SKA3: variants seen among roughly 807,000 people sequenced by gnomAD.
The protein encoded by SKA3 is spindle and kinetochore-associated protein 3.
A neutral mutation model predicts 44.2 loss-of-function variants in SKA3; 39 were observed. That is an observed-to-expected ratio of 0.88 (90% CI 0.68 to 1.15). The LOEUF (loss-of-function observed/expected upper bound fraction) is 1.15, where lower values mean the gene tolerates loss of function less well. SKA3 is among the 50% of genes most tolerant of loss of function. The pLI is 0.00. For missense variants in SKA3, 511 were observed against 485.8 expected (o/e 1.05, Z -0.49); for synonymous variants, 192 against 172.0 (o/e 1.12, Z -0.91).
chr13:21,176,187 C>T (rs1364774430), intron 1 of SKA3, among the ~76,000 whole-genome samples, 188 bp downstream of exon 1: 1 of 152,194 alleles, frequency 6.6e-6, no homozygotes, highest in African/African-American at 2.4e-5. Context: ...AAACCATAAA[C>T]AGGCCCGGGA....
rs370084478 is a variant in SKA3, at chr13:21,176,403, C to T, written c.75G>A (p.Leu25=). ...ASTLDCETAR[L]QRALDGEESD... ...TTTCCTCTCCGTCCAGCGCTCGCTG[C>T]AGCCGGGCCGTCTCGCAGTCCAGCG... Residue 25 remains leucine, a synonymous_variant, in exon 1 of 9, where the codon CTG becomes CTA. Coordinates refer to ENST00000314759, the MANE Select transcript of SKA3 (RefSeq NM_145061.6). 154 of 1,580,590 alleles carry T rather than the reference C, an allele frequency of 9.7e-5. No homozygotes were observed. The highest frequency in any genetic ancestry group is 1.2e-4 in the Non-Finnish European group (141 of 1,164,102).
Position 21,161,772 on chromosome 13 carries a change from C to T in SKA3, c.829+18G>A. Reference sequence around the variant, plus strand: ...TGGGAAAAATGTTCCTGAGAAGTAACTTGATTCTTATACTTACCACTTTTT... The same window carrying T: ...TGGGAAAAATGTTCCTGAGAAGTAATTTGATTCTTATACTTACCACTTTTT... On this transcript the variant is annotated intron_variant, in intron 5 of 8. Transcript: ENST00000314759. 1.7e-6 allele frequency: 2 copies of T among 1,182,866 alleles called. No individual in the cohort carries two copies. The highest frequency in any genetic ancestry group is 2.3e-6 in the Non-Finnish European group (2 of 884,646). The allele number at this position is 1,182,866 out of a possible 1,614,324, so 73.3% of individuals were successfully genotyped here. A position where few individuals can be genotyped will look rare whatever the true frequency, so the allele number is the denominator to read the frequency against.
At position 21,172,356 on chromosome 13, in the gene SKA3, C is replaced by A; in HGVS notation, c.314G>T (p.Arg105Leu). 1 of 1,559,550 alleles carries A rather than the reference C, an allele frequency of 6.4e-7. No homozygotes were observed. Among genetic ancestry groups the A allele is most frequent in the South Asian group, 1.2e-5 (1 of 83,624 alleles). The change falls in exon 3 of 9, where the codon CGT (arginine) becomes CTT (leucine). Residue 105 changes from arginine to leucine, a missense_variant. Transcript: ENST00000314759. ...EYFQKYGYSP[R>L]VKKNSVHEQE... is the part of the protein sequence containing the mutation. ...ATTCAAACCTGAATTTTTCTTGACA[C>A]GTGGACTATATCCATACTTCTGGAA...
chr13:21,176,396 C>T lies in SKA3; in HGVS notation c.82G>A (p.Ala28Thr). The T allele has an allele frequency of 3.8e-6, 6 of 1,577,768 alleles. No homozygotes were observed. The highest frequency in any genetic ancestry group is 5.2e-6 in the Non-Finnish European group (6 of 1,162,548). ...GCACCGCTTTCCTCTCCGTCCAGCG[C>T]TCGCTGCAGCCGGGCCGTCTCGCAG... Reference protein sequence around the residue: ...LDCETARLQRALDGEESDFED... With the variant: ...LDCETARLQRTLDGEESDFED... Residue 28 changes from alanine (A) to threonine (T), a missense_variant, in exon 1 of 9, where the codon GCG (alanine) becomes ACG (threonine). Coordinates refer to ENST00000314759, the MANE Select transcript of SKA3 (RefSeq NM_145061.6).
chr13:21,164,942 A>G (rs1870626638), intron 4 of SKA3, among the ~76,000 whole-genome samples: 1 of 152,146 alleles, frequency 6.6e-6, no homozygotes. Context: ...AATCATGTCA[A>G]TTAATTTACA....
Position 21,155,759 on chromosome 13 carries a change from A to C in SKA3, c.1172T>G (p.Val391Gly), listed in dbSNP as rs1565990627. The C allele has an allele frequency of 1.9e-6, 3 of 1,612,368 alleles. No individual in the cohort carries two copies. The highest frequency in any genetic ancestry group is 2.5e-6 in the Non-Finnish European group (3 of 1,178,902). Residue 391 changes from valine (V) to glycine (G), a missense_variant, in exon 8 of 9, where the codon GTG becomes GGG. By Grantham distance (109) the Val-to-Gly change is moderately radical. Coordinates refer to ENST00000314759, the MANE Select transcript of SKA3 (RefSeq NM_145061.6). ...TTTAAGGAACCTTTTACTGGGTGGC[A>C]CTGCTTTAATTGCTATTGGAGTAGC... Reference protein sequence around the residue: ...NLATPIAIKAVPPSKRFLKHG... With the variant: ...NLATPIAIKAGPPSKRFLKHG...
At chr13:21,158,452 C>T (rs1870255831) in intron 6 of SKA3, among the ~76,000 whole-genome samples, 1 of 151,802 alleles carries the variant, frequency 6.6e-6, no homozygotes, top group African/African-American at 2.4e-5. Flanking sequence ...GAAACCCCAT[C>T]TCTACTAAAA....
At chr13:21,171,127 C>G (rs950045032) in intron 3 of SKA3, among the ~76,000 whole-genome samples, 1 of 152,036 alleles carries the variant, frequency 6.6e-6, no homozygotes, top group East Asian at 1.9e-4. Context: ...GAGACAGAGT[C>G]TCATTATGTA....
chr13:21,174,310 T>C (rs1283216534), intron 1 of SKA3, among the ~76,000 whole-genome samples: 1 of 152,164 alleles, frequency 6.6e-6, no homozygotes, highest in African/African-American at 2.4e-5. Context: ...TGCCGCACTA[T>C]TCACAATAGC....
intron 6 of SKA3, 64 bp downstream of exon 6, chr13:21,159,838 C>G: frequency 3.8e-6 from 4 of 1,064,578 alleles, no homozygotes; most frequent in Non-Finnish European, 3.8e-6. Context: ...TTTGAGCCTG[C>G]AAGCAGTAGT....
intron 3 of SKA3, 77 bp downstream of exon 3, chr13:21,172,262 A>G: frequency 5.1e-6 from 5 of 972,272 alleles, no homozygotes; most frequent in Non-Finnish European, 7.6e-6. Context: ...ACCATAGCCA[A>G]GGCTACAGTT....
chr13:21,168,423 C>A, intron 3 of SKA3, 24 bp from the exon 4 acceptor site: 1 of 1,531,984 alleles, frequency 6.5e-7, no homozygotes, highest in Middle Eastern at 1.8e-4. Context: ...TCAGAATATT[C>A]TGGTCAAACT....
At position 21,155,872 on chromosome 13, in the gene SKA3, G is replaced by C. The variant is rs1870093169; in HGVS notation, c.1120-61C>G. 4 of 846,344 alleles carry C rather than the reference G, an allele frequency of 4.7e-6. No homozygotes were observed. The African/African-American group carries it at 6.9e-5, about 15-fold the overall frequency. The allele number at this position is 846,344 out of a possible 1,614,324, so 52.4% of individuals were successfully genotyped here. A position where few individuals can be genotyped will look rare whatever the true frequency, so the allele number is the denominator to read the frequency against. ...CATATGAATAATATAACCTAAATTTGGAAGAAGTTACAAAATGTTCAATAA... is the reference window on the plus strand; with the variant it reads ...CATATGAATAATATAACCTAAATTTCGAAGAAGTTACAAAATGTTCAATAA... On this transcript the variant is annotated intron_variant, in intron 7 of 8. Coordinates refer to ENST00000314759, the MANE Select transcript of SKA3 (RefSeq NM_145061.6).
intron 6 of SKA3, among the ~76,000 whole-genome samples, chr13:21,159,024 G>A (rs1040083585): frequency 6.6e-6 from 1 of 152,132 alleles, no homozygotes; most frequent in African/African-American, 2.4e-5. Flanking sequence ...ATCCATAGCT[G>A]CACTGTCCAA....
intron 7 of SKA3, among the ~76,000 whole-genome samples, chr13:21,156,298 G>T (rs1162300731): frequency 6.6e-6 from 1 of 152,098 alleles, no homozygotes; most frequent in African/African-American, 2.4e-5. Flanking sequence ...TCTGACTGAG[G>T]TTAGTGAAAA....
intron 3 of SKA3, among the ~76,000 whole-genome samples, chr13:21,168,883 C>A (rs1353837106): frequency 6.6e-6 from 1 of 152,076 alleles, no homozygotes; most frequent in Non-Finnish European, 1.5e-5. Context: ...CTCTTGTGCA[C>A]CCATATCTCA....
At position 21,159,989 on chromosome 13, in the gene SKA3, T is replaced by A; in HGVS notation, c.830-2A>T. 7.6e-7 allele frequency: 1 copy of A among 1,307,266 alleles called. No individual in the cohort carries two copies. The highest frequency in any genetic ancestry group is 1.6e-5 in the South Asian group (1 of 61,420). The allele number at this position is 1,307,266 out of a possible 1,614,324, so 81.0% of individuals were successfully genotyped here. A position where few individuals can be genotyped will look rare whatever the true frequency, so the allele number is the denominator to read the frequency against. On this transcript the variant is annotated splice_acceptor_variant, in intron 5 of 8. Transcript: ENST00000314759. LOFTEE classifies it high-confidence loss of function. ...AAGGAGAGTTGGTATATTCGGCATC[T>A]AAAAGACACATAAAATGGTCATTAA...
At chr13:21,161,931 G>A (rs1565993162) in intron 4 of SKA3, 56 bp from the exon 5 acceptor site, 1 of 1,173,572 alleles carries the variant, frequency 8.5e-7, no homozygotes, top group Non-Finnish European at 1.1e-6. Flanking sequence ...TCAATCTCTG[G>A]GAAAAAAATT....
Position 21,176,236 on chromosome 13 carries a change from G to A in SKA3, c.103+139C>T, listed in dbSNP as rs567170187. 6.0e-5 allele frequency: 40 copies of A among 662,524 alleles called. No individual in the cohort carries two copies. In the African/African-American group the frequency reaches 7.2e-4, roughly 12 times the overall value. The allele number at this position is 662,524 out of a possible 1,614,324, so 41.0% of individuals were successfully genotyped here. A position where few individuals can be genotyped will look rare whatever the true frequency, so the allele number is the denominator to read the frequency against. On this transcript the variant is annotated intron_variant, in intron 1 of 8. Coordinates refer to ENST00000314759, the MANE Select transcript of SKA3 (RefSeq NM_145061.6). ...CAAACGCCGAGCAGTGAGACGCGCA[G>A]CACCCGCCCTGCGCCTCGGTGGCAG...
Sources: gnomAD v4.1 joint callset for allele counts (sites outside exome capture counted in the v4.1 genomes callset) on GRCh38, gnomAD v4.1.1 for gene constraint, MANE v1.5 for transcripts, NCBI Gene and HGNC (gene_info 2026-07-23, HGNC 2026-07-21) for gene names.